DPP10: variants seen among roughly 807,000 people sequenced by gnomAD.
DPP10 encodes dipeptidyl peptidase like 10.
In DPP10, 33 loss-of-function variants were observed where a neutral mutation model predicts 120.9. The ratio of observed to expected loss-of-function variants is 0.27; its 90% CI spans 0.21 to 0.37. The LOEUF (loss-of-function observed/expected upper bound fraction) is 0.37, where lower values mean the gene tolerates loss of function less well. DPP10 is among the 10% of genes least tolerant of loss of function. The pLI, the probability that DPP10 is intolerant of heterozygous loss-of-function variation, is 1.00. For synonymous variants in DPP10, 337 were observed against 326.1 expected, an observed-to-expected ratio of 1.03 and a Z score of -0.36; for missense variants, 816 against 942.8, an observed-to-expected ratio of 0.87 and a Z score of 1.76.
At chr2:114,643,936 T>TG (rs34716174) in intron 1 of DPP10, among the ~76,000 whole-genome samples, 1 of 112,068 alleles carries the variant, frequency 8.9e-6, no homozygotes, top group Admixed American at 8.2e-5. Context: ...TATATATATA[T>TG]TTTTTTTTTT....
chr2:114,757,115 G>C (rs769435377), intron 1 of DPP10, among the ~76,000 whole-genome samples: 1 of 148,670 alleles, frequency 6.7e-6, no homozygotes, highest in South Asian at 2.2e-4. Context: ...AGGAAGGGAG[G>C]CAGACAGAAG....
intron 1 of DPP10, among the ~76,000 whole-genome samples, chr2:114,645,690 ACT>A (rs1002816546): frequency 6.6e-6 from 1 of 152,100 alleles, no homozygotes. Flanking sequence ...AGCTGGGGTG[ACT>A]CTGCTGCTTA....
In DPP10 at chr2:114,556,234, CATATATATATATATAT is replaced by C. The variant is rs56772742; in HGVS notation, c.60+113416_60+113431del. ...GAGAAACAGTGATACATAGATGATA[CATATATATATATATAT>C]ATATATATATATATATATAGGCAAA... On this transcript the variant is annotated intron_variant, in intron 1 of 25. Transcript: ENST00000410059. Among the ~76,000 whole-genome samples the C allele has an allele frequency of 3.5e-3, 307 of 86,952 alleles. 8 individuals are homozygous for C. Among genetic ancestry groups the C allele is most frequent in the Middle Eastern group, 0.014 (2 of 148 alleles). The allele number at this position is 86,952 out of a possible 152,430, so 57.0% of individuals were successfully genotyped here. A position where few individuals can be genotyped will look rare whatever the true frequency, so the allele number is the denominator to read the frequency against.
chr2:115,683,692 TAAAA>T (rs1356859698), intron 5 of DPP10, among the ~76,000 whole-genome samples: 1 of 151,848 alleles, frequency 6.6e-6, no homozygotes, highest in Non-Finnish European at 1.5e-5. Context: ...AAAATAAAAA[TAAAA>T]AACCTGAATT....
At chr2:114,480,018 GA>G (rs978812788) in intron 1 of DPP10, among the ~76,000 whole-genome samples, 26 of 150,630 alleles carry the variant, frequency 1.7e-4, no homozygotes, top group African/African-American at 6.1e-4. Context: ...AAATTTACAA[GA>G]AAAAAACAAC....
At chr2:115,452,093 A>G (rs780161893) in intron 3 of DPP10, among the ~76,000 whole-genome samples, 6 of 151,928 alleles carry the variant, frequency 3.9e-5, no homozygotes, top group Non-Finnish European at 8.8e-5. Context: ...GAACTAGAAC[A>G]GATTTTCTCA....
At chr2:114,895,323 T>C (rs1370526117) in intron 1 of DPP10, among the ~76,000 whole-genome samples, 1 of 152,194 alleles carries the variant, frequency 6.6e-6, no homozygotes, top group African/African-American at 2.4e-5. Flanking sequence ...AGCACTATGG[T>C]GATCATTAGA....
chr2:115,183,181 C>G (rs1437158148), intron 1 of DPP10, among the ~76,000 whole-genome samples: 1 of 152,104 alleles, frequency 6.6e-6, no homozygotes, highest in African/African-American at 2.4e-5. Context: ...GGAAAATTAC[C>G]TACTGCTGTA....
chr2:114,620,675 A>C (rs981215190), intron 1 of DPP10, among the ~76,000 whole-genome samples: 1 of 152,042 alleles, frequency 6.6e-6, no homozygotes, highest in African/African-American at 2.4e-5. Flanking sequence ...ATATTCAGAG[A>C]GTTTCAGAGA....
At chr2:115,685,306 C>A (rs983418031) in intron 5 of DPP10, among the ~76,000 whole-genome samples, 1 of 151,876 alleles carries the variant, frequency 6.6e-6, no homozygotes, top group African/African-American at 2.4e-5. Flanking sequence ...TAAATCACTT[C>A]GACTAAGTCA....
intron 1 of DPP10, among the ~76,000 whole-genome samples, chr2:114,592,388 T>C (rs1573740874): frequency 6.6e-6 from 1 of 152,166 alleles, no homozygotes; most frequent in South Asian, 2.1e-4. Flanking sequence ...ATGAATTTAT[T>C]TGAGGGAGGT....
At chr2:114,981,317 T>C (rs897735415) in intron 1 of DPP10, among the ~76,000 whole-genome samples, 4 of 152,032 alleles carry the variant, frequency 2.6e-5, no homozygotes, top group South Asian at 2.1e-4. Flanking sequence ...GTTGAATCAA[T>C]ATAATGGATT....
intron 1 of DPP10, among the ~76,000 whole-genome samples, chr2:114,564,527 C>T (rs1350769621): frequency 6.6e-6 from 1 of 151,970 alleles, no homozygotes; most frequent in South Asian, 2.1e-4. Context: ...TATAAGGTAC[C>T]CGGCAGATCA....
intron 1 of DPP10, among the ~76,000 whole-genome samples, chr2:114,489,107 A>G: frequency 6.6e-6 from 1 of 152,200 alleles, no homozygotes; most frequent in Non-Finnish European, 1.5e-5. Context: ...TAAATGTCTG[A>G]CCAGAGTCCA....
intron 1 of DPP10, among the ~76,000 whole-genome samples, chr2:114,950,475 T>A (rs1205503744): frequency 6.6e-6 from 1 of 151,498 alleles, no homozygotes; most frequent in Non-Finnish European, 1.5e-5. Context: ...TTTTATTTTT[T>A]TTTTGTATTT....
chr2:115,276,483 G>A (rs765891699), intron 1 of DPP10, among the ~76,000 whole-genome samples: 1 of 152,044 alleles, frequency 6.6e-6, no homozygotes, highest in African/African-American at 2.4e-5. Flanking sequence ...GAGCTATTTC[G>A]AAAAACCTAA....
intron 1 of DPP10, among the ~76,000 whole-genome samples, chr2:114,497,260 T>TATACATGTGTATGCATGTACGTGC (rs1682659926): frequency 1.0e-5 from 1 of 100,272 alleles, no homozygotes; most frequent in Non-Finnish European, 2.1e-5. Context: ...CATGTACGTG[T>TATACATGTGTATGCATGTACGTGC]GTATACATGT....
chr2:115,284,617 G>A (rs986878137), intron 1 of DPP10, among the ~76,000 whole-genome samples: 6 of 151,994 alleles, frequency 3.9e-5, no homozygotes, highest in African/African-American at 1.4e-4. Flanking sequence ...TCTTATTGCT[G>A]TTGTTAGGAG....
intron 3 of DPP10, among the ~76,000 whole-genome samples, chr2:115,372,190 T>A (rs899538909): frequency 6.6e-6 from 1 of 152,162 alleles, no homozygotes; most frequent in Non-Finnish European, 1.5e-5. Context: ...AGAAATATTA[T>A]TCTCAATATG....
Sources: allele counts gnomAD v4.1 joint callset (sites outside exome capture counted in the v4.1 genomes callset), GRCh38; gene constraint gnomAD v4.1.1; transcripts MANE v1.5; gene names NCBI Gene and HGNC (gene_info 2026-07-23, HGNC 2026-07-21).